Variants in VPS13B observed in about 807,000 individuals in gnomAD.
VPS13B encodes the protein vacuolar protein sorting 13 homolog B.
In VPS13B, 285 loss-of-function variants were observed where a neutral mutation model predicts 426.4. That is an observed-to-expected ratio of 0.67 (90% confidence interval 0.61 to 0.74). The LOEUF is 0.74. VPS13B is among the 30% of genes least tolerant of loss of function. The probability of loss-of-function intolerance (pLI) is 0.00; values close to 1 mark genes in which losing one functional copy is unlikely to be tolerated. For missense variants in VPS13B, 4,537 were observed against 4,782.6 expected (o/e 0.95, Z 1.51); for synonymous variants, 1,676 against 1,676.4 (o/e 1.00, Z 0.01).
chr8:99,832,895 T>C (rs1180123049), intron 52 of VPS13B, among the ~76,000 whole-genome samples: 1 of 152,164 alleles, frequency 6.6e-6, no homozygotes, highest in Non-Finnish European at 1.5e-5. Context: ...ATGATGGTAC[T>C]TGTACCACAG....
chr8:99,139,278 G>C (rs1171589805), intron 12 of VPS13B, among the ~76,000 whole-genome samples: 2 of 152,020 alleles, frequency 1.3e-5, no homozygotes, highest in Non-Finnish European at 2.9e-5. Flanking sequence ...GAGAACCACT[G>C]TCTTGCTTTT....
At chr8:99,311,476 G>T (rs1192232050) in intron 19 of VPS13B, among the ~76,000 whole-genome samples, 1 of 152,188 alleles carries the variant, frequency 6.6e-6, no homozygotes, top group Non-Finnish European at 1.5e-5. Flanking sequence ...GTAGTTGAGT[G>T]GTTCTGAGTG....
chr8:99,135,217 A>G lies in VPS13B; in HGVS notation c.1425+80A>G. On this transcript the variant is annotated intron_variant, in intron 10 of 61. Transcript: ENST00000357162. ...TTACTGAAGTGTTTAACCATATAAT[A>G]TCTGTTAGACTATATATATCTCAGG... 22 of 1,564,904 alleles carry G rather than the reference A, an allele frequency of 1.4e-5. No individual in the cohort carries two copies. The South Asian group carries it at 2.1e-4, about 15-fold the overall frequency.
At chr8:99,271,423 G>A (rs1378745181) in intron 17 of VPS13B, among the ~76,000 whole-genome samples, 2 of 152,080 alleles carry the variant, frequency 1.3e-5, no homozygotes, top group Admixed American at 1.3e-4. Context: ...TAGACCATAG[G>A]TTTAGAACTC....
chr8:99,869,472 A>G (rs966996481), intron 59 of VPS13B, among the ~76,000 whole-genome samples: 2 of 152,140 alleles, frequency 1.3e-5, no homozygotes, highest in African/African-American at 4.8e-5. Context: ...TTAAGAGACC[A>G]CACAGACGCC....
intron 19 of VPS13B, among the ~76,000 whole-genome samples, chr8:99,329,349 G>A (rs1446494121): frequency 6.6e-6 from 1 of 152,022 alleles, no homozygotes; most frequent in Admixed American, 6.6e-5. Context: ...CATGTGTTTA[G>A]TAAAATGAAA....
Position 99,661,590 on chromosome 8 carries a change from A to C in VPS13B, c.6046+99A>C, listed in dbSNP as rs920687725. 4.9e-6 allele frequency: 7 copies of C among 1,437,588 alleles called. No homozygotes were observed. In the African/African-American group the frequency reaches 8.4e-5, roughly 17 times the overall value. 89.1% of individuals were successfully genotyped at this position (1,437,588 alleles called of 1,614,324 possible). On this transcript the variant is annotated intron_variant, in intron 35 of 61. Transcript: ENST00000357162. Reference sequence around the variant, plus strand: ...AGTAATCTTGACATTCCGTGCAAAAAATGAATAGTTCATTTTTTCCCAGAG... The same window carrying C: ...AGTAATCTTGACATTCCGTGCAAAACATGAATAGTTCATTTTTTCCCAGAG...
At chr8:99,262,555 T>C (rs1818098755) in intron 17 of VPS13B, among the ~76,000 whole-genome samples, 2 of 152,170 alleles carry the variant, frequency 1.3e-5, no homozygotes, top group Non-Finnish European at 2.9e-5. Context: ...CTCATTTCAC[T>C]TTCTCCCTTT....
intron 15 of VPS13B, among the ~76,000 whole-genome samples, chr8:99,160,650 C>CAA (rs780385149): frequency 1.2e-3 from 83 of 67,694 alleles, no homozygotes; most frequent in Non-Finnish European, 1.6e-3. Context: ...GACCCTGTCT[C>CAA]AAAAAAAAAA....
chr8:99,667,503 C>CT (rs1255298037), intron 35 of VPS13B, among the ~76,000 whole-genome samples: 3 of 152,012 alleles, frequency 2.0e-5, no homozygotes, highest in Non-Finnish European at 4.4e-5. Context: ...AACAAAAGTA[C>CT]TTTTTTTATT....
chr8:99,640,135 C>T (rs892956021), intron 33 of VPS13B, among the ~76,000 whole-genome samples: 1 of 151,264 alleles, frequency 6.6e-6, no homozygotes, highest in South Asian at 2.1e-4. Flanking sequence ...ACCCAGTTAC[C>T]CAGTACTTTG....
intron 31 of VPS13B, among the ~76,000 whole-genome samples, chr8:99,564,679 ATGT>A (rs1297996656): frequency 6.6e-6 from 1 of 152,170 alleles, no homozygotes; most frequent in Non-Finnish European, 1.5e-5. Context: ...CATCTTCCAA[ATGT>A]TGTTAAGGTT....
At chr8:99,494,799 A>C (rs977645193) in intron 25 of VPS13B, among the ~76,000 whole-genome samples, 2 of 152,072 alleles carry the variant, frequency 1.3e-5, no homozygotes, top group African/African-American at 4.8e-5. Flanking sequence ...CTCTTTTTAT[A>C]ATTTTCTTCT....
intron 30 of VPS13B, among the ~76,000 whole-genome samples, chr8:99,524,542 A>C (rs1822544961): frequency 6.6e-6 from 1 of 152,202 alleles, no homozygotes; most frequent in Admixed American, 6.5e-5. Flanking sequence ...CTGGGATCCC[A>C]ACCCTTTGGA....
chr8:99,688,133 CTTTT>C (rs1307921649), intron 35 of VPS13B, among the ~76,000 whole-genome samples: 2 of 113,090 alleles, frequency 1.8e-5, no homozygotes, highest in Non-Finnish European at 1.9e-5. Context: ...TCCTTGCTTG[CTTTT>C]TTTTTTTTTT....
At chr8:99,303,553 ACT>A (rs955166277) in intron 19 of VPS13B, among the ~76,000 whole-genome samples, 6 of 150,870 alleles carry the variant, frequency 4.0e-5, no homozygotes, top group South Asian at 2.1e-4. Context: ...AACTGCAGAA[ACT>A]CTGCACAGCC....
At chr8:99,151,934 T>C (rs1190931264) in intron 14 of VPS13B, among the ~76,000 whole-genome samples, 1 of 152,222 alleles carries the variant, frequency 6.6e-6, no homozygotes, top group African/African-American at 2.4e-5. Context: ...TCTCTTACAC[T>C]TTTTCTTAGC....
chr8:99,593,628 T>C (rs193264953), intron 33 of VPS13B, among the ~76,000 whole-genome samples: 1 of 151,882 alleles, frequency 6.6e-6, no homozygotes, highest in South Asian at 2.1e-4. Context: ...TGCAGCACTA[T>C]TCACAATAGC....
At chr8:99,591,162 TCC>T (rs1826645569) in intron 33 of VPS13B, among the ~76,000 whole-genome samples, 1 of 137,372 alleles carries the variant, frequency 7.3e-6, no homozygotes, top group East Asian at 2.3e-4. Context: ...TTGCAACCGC[TCC>T]TTTTTTTTTT....
Sources: gnomAD v4.1 joint callset for allele counts (sites outside exome capture counted in the v4.1 genomes callset) on GRCh38, gnomAD v4.1.1 for gene constraint, MANE v1.5 for transcripts, NCBI Gene and HGNC (gene_info 2026-07-23, HGNC 2026-07-21) for gene names.